Variants in MXRA8 observed in about 807,000 individuals in gnomAD.
MXRA8 encodes the protein matrix remodeling associated 8.
Under a neutral mutation model 51.4 loss-of-function variants are expected in MXRA8, and 44 were observed. That is an observed-to-expected ratio of 0.86 (90% CI 0.67 to 1.10). MXRA8 has a LOEUF of 1.10. Ranked by LOEUF, MXRA8 falls within the 50% of genes least tolerant of loss-of-function variation. The pLI, the probability that MXRA8 is intolerant of heterozygous loss-of-function variation, is 0.00. For missense variants in MXRA8, 765 were observed against 638.9 expected (o/e 1.20, Z -2.13); for synonymous variants, 369 against 293.5 (o/e 1.26, Z -2.63).
Position 1,354,082 on chromosome 1 carries a change from G to T in MXRA8, c.1170C>A (p.Phe390Leu). 5 of 1,612,960 alleles carry T rather than the reference G, an allele frequency of 3.1e-6. No homozygotes were observed. The highest frequency in any genetic ancestry group is 1.3e-5 in the African/African-American group (1 of 75,050). Residue 390 changes from phenylalanine (F) to leucine (L), a missense_variant, in exon 8 of 10, where the codon TTC (phenylalanine) becomes TTA (leucine). Coordinates refer to ENST00000309212, the MANE Select transcript of MXRA8 (RefSeq NM_032348.4). ...GCATCTGGTCCCCTGCAGCCACAGC[G>T]AACTCCGCCAAGTTAACATCCTTCC... ...SKGKDVNLAE[F>L]AVAAGDQMLY...
chr1:1,362,052 C>G (rs943044920), upstream of MXRA8, among the ~76,000 whole-genome samples: 1 of 152,218 alleles, frequency 6.6e-6, no homozygotes, highest in Non-Finnish European at 1.5e-5. Context: ...CGACTGTTCC[C>G]GGCCATGTCC....
upstream of MXRA8, among the ~76,000 whole-genome samples, chr1:1,362,762 CAGAG>C: frequency 7.5e-6 from 1 of 132,984 alleles, no homozygotes; most frequent in Non-Finnish European, 1.5e-5. Context: ...GCCTGGGAAA[CAGAG>C]TGAGACTCCA....
chr1:1,358,435 C>T (rs776792952), intron 1 of MXRA8, 21 bp downstream of exon 1: 21 of 1,602,070 alleles, frequency 1.3e-5, no homozygotes, highest in Non-Finnish European at 1.8e-5. Context: ...CCCCACCCGC[C>T]TCCCAGGGCC....
In MXRA8 at chr1:1,354,676, C is replaced by T. The variant is rs1644081597; in HGVS notation, c.949+6G>A. The T allele has an allele frequency of 6.4e-7, 1 of 1,564,954 alleles. No homozygotes were observed. The highest frequency in any genetic ancestry group is 1.9e-5 in the Admixed American group (1 of 52,886). On this transcript the variant is annotated splice_donor_region_variant and intron_variant, in intron 5 of 9. Coordinates refer to ENST00000309212, the MANE Select transcript of MXRA8 (RefSeq NM_032348.4). ...CCTTCCCGGGTCCCAGGGAGGCCTC[C>T]TTCACCTGGGCCTGGGGCGCCGCTG...
At chr1:1,361,653 G>T (rs561879485), upstream of MXRA8, 3 of 310,346 alleles carry the variant, frequency 9.7e-6, no homozygotes, top group African/African-American at 4.3e-5. Context: ...AGGACAAACC[G>T]TATTCGCCGC....
At position 1,353,359 on chromosome 1, in the gene MXRA8, A is replaced by T. The variant is rs1044630446; in HGVS notation, c.*245T>A. 3.2e-6 allele frequency: 5 copies of T among 1,547,538 alleles called. No individual in the cohort carries two copies. In the African/African-American group the frequency reaches 6.9e-5, roughly 21 times the overall value. On this transcript the variant is annotated 3_prime_UTR_variant, in exon 10 of 10. Coordinates refer to ENST00000309212, the MANE Select transcript of MXRA8 (RefSeq NM_032348.4). ...TGAGGGCATGATGGGCATCAGTGGG[A>T]TTTTGGTTGTGCCAGGGGTGGGCAG... is the stretch of plus-strand genomic sequence containing the variant.
upstream of MXRA8, chr1:1,359,353 A>G (rs1013416218): frequency 2.2e-5 from 22 of 985,338 alleles, no homozygotes; most frequent in Non-Finnish European, 2.7e-5. Context: ...ACAAATTTGA[A>G]ACTGTGGGAA....
Position 1,353,390 on chromosome 1 carries a change from C to T in MXRA8, c.*214G>A. 6.5e-7 allele frequency: 1 copy of T among 1,538,862 alleles called. No individual in the cohort carries two copies. Among genetic ancestry groups the T allele is most frequent in the Non-Finnish European group, 8.8e-7 (1 of 1,140,558 alleles). On this transcript the variant is annotated 3_prime_UTR_variant, in exon 10 of 10. Transcript: ENST00000309212. ...GTTGTGCCAGGGGTGGGCAGGGCCACCCGTGAGCAAAGGCCGCAGGGGTGG... is the reference window on the plus strand; with the variant it reads ...GTTGTGCCAGGGGTGGGCAGGGCCATCCGTGAGCAAAGGCCGCAGGGGTGG...
At chr1:1,357,472 T>C (rs1644155723) in intron 1 of MXRA8, among the ~76,000 whole-genome samples, 1 of 152,044 alleles carries the variant, frequency 6.6e-6, no homozygotes, top group African/African-American at 2.4e-5. Context: ...ACAGTCAGCG[T>C]GGCCCCACGG....
Position 1,353,752 on chromosome 1 carries a change from C to T in MXRA8, c.1303+96G>A, listed in dbSNP as rs765497490. 24 of 1,471,058 alleles carry T rather than the reference C, an allele frequency of 1.6e-5. No homozygotes were observed. In the South Asian group the frequency reaches 2.0e-4, roughly 12 times the overall value. The allele number at this position is 1,471,058 out of a possible 1,614,324, so 91.1% of individuals were successfully genotyped here. A position where few individuals can be genotyped will look rare whatever the true frequency, so the allele number is the denominator to read the frequency against. On this transcript the variant is annotated intron_variant, in intron 9 of 9. Transcript: ENST00000309212. ...TCTGAGCCTGAGGTGGCAGGGGCCC[C>T]GGGCCTGGCTGGTGCCTGCCATCGT...
At position 1,353,878 on chromosome 1, in the gene MXRA8, G is replaced by C. The variant is rs1190143568; in HGVS notation, c.1273C>G (p.Leu425Val). ...KERAELAHSP[L>V]PAKYIDLDKG... Reference sequence around the variant, plus strand: ...TCTAGGTCGATGTACTTGGCAGGCAGGGGGCTGTGGGCCAGCTCCGCCCTC... The same window carrying C: ...TCTAGGTCGATGTACTTGGCAGGCACGGGGCTGTGGGCCAGCTCCGCCCTC... The change falls in exon 9 of 10, where the codon CTG becomes GTG. Residue 425 changes from leucine (L) to valine (V), a missense_variant. Coordinates refer to ENST00000309212, the MANE Select transcript of MXRA8 (RefSeq NM_032348.4). 1 of 1,605,842 alleles carries C rather than the reference G, an allele frequency of 6.2e-7. No homozygotes were observed. Among genetic ancestry groups the C allele is most frequent in the East Asian group, 2.2e-5 (1 of 44,848 alleles).
At chr1:1,360,743 C>A (rs1644211133), upstream of MXRA8, among the ~76,000 whole-genome samples, 1 of 152,150 alleles carries the variant, frequency 6.6e-6, no homozygotes, top group South Asian at 2.1e-4. Context: ...GGCTGCCATT[C>A]CTGGTGACTC....
upstream of MXRA8, chr1:1,359,190 G>T: frequency 1.0e-6 from 1 of 985,420 alleles, no homozygotes; most frequent in African/African-American, 1.7e-5. Flanking sequence ...GCACTGGGAG[G>T]CCTGGGGGTG....
chr1:1,354,726 C>T lies in MXRA8; in HGVS notation c.905G>A (p.Gly302Asp), dbSNP rs1207094120. ...GTGGCTGGAGCCGTTGCCCGGAGAG[C>T]CCCGGGGGGGCGGCTCCGCGTGGGG... ...AEPHAEPPPR[G>D]SPGNGSSHSG... Residue 302 changes from glycine (G) to aspartate (D), a missense_variant, in exon 5 of 10, where the codon GGC (glycine) becomes GAC (aspartate). Coordinates refer to ENST00000309212, the MANE Select transcript of MXRA8 (RefSeq NM_032348.4). 2 of 1,605,550 alleles carry T rather than the reference C, an allele frequency of 1.2e-6. No individual in the cohort carries two copies. The highest frequency in any genetic ancestry group is 8.5e-7 in the Non-Finnish European group (1 of 1,176,910).
upstream of MXRA8, among the ~76,000 whole-genome samples, chr1:1,360,970 A>G (rs1031317069): frequency 1.8e-5 from 2 of 108,490 alleles, no homozygotes; most frequent in African/African-American, 3.8e-5. Context: ...GGAGACACAC[A>G]GAGATACACG....
chr1:1,355,751 C>T lies in MXRA8; in HGVS notation c.75G>A (p.Gly25=), dbSNP rs1467859266. Residue 25 remains glycine (G), a splice_region_variant and synonymous_variant, in exon 3 of 10, where the codon GGG becomes GGA. Coordinates refer to ENST00000309212, the MANE Select transcript of MXRA8 (RefSeq NM_032348.4). ...TGCCAGCAGCGGCGGGTACCGAGGA[C>T]CCTGGTGGGGGAGGGGAGTCGGTGG... ...LQSSAVLLHS[G]SSVPAAAGSS... 8.6e-6 allele frequency: 11 copies of T among 1,275,194 alleles called. No individual in the cohort carries two copies. The highest frequency in any genetic ancestry group is 9.9e-6 in the Non-Finnish European group (10 of 1,014,002). The allele number at this position is 1,275,194 out of a possible 1,614,324, so 79.0% of individuals were successfully genotyped here. A position where few individuals can be genotyped will look rare whatever the true frequency, so the allele number is the denominator to read the frequency against.
chr1:1,355,447 C>A lies in MXRA8; in HGVS notation c.376+3G>T. On this transcript the variant is annotated splice_donor_region_variant and intron_variant, in intron 3 of 9. Coordinates refer to ENST00000309212, the MANE Select transcript of MXRA8 (RefSeq NM_032348.4). ...CCGCGGCCCCGGTCCCCGGTCCCCG[C>A]ACCGCGGATGAGCAGCGAGAAGTTG... is the stretch of plus-strand genomic sequence containing the variant. 1 of 1,495,294 alleles carries A rather than the reference C, an allele frequency of 6.7e-7. No homozygotes were observed. The highest frequency in any genetic ancestry group is 8.8e-7 in the Non-Finnish European group (1 of 1,131,996). The allele number at this position is 1,495,294 out of a possible 1,614,324, so 92.6% of individuals were successfully genotyped here.
In MXRA8 at chr1:1,353,481, A is replaced by G; in HGVS notation, c.*123T>C. Reference sequence around the variant, plus strand: ...GGCGGCCTCTGCATACGCCCAGGCCAAATTCCAGGAAAGCGGGACCAGCCG... The same window carrying G: ...GGCGGCCTCTGCATACGCCCAGGCCGAATTCCAGGAAAGCGGGACCAGCCG... On this transcript the variant is annotated 3_prime_UTR_variant, in exon 10 of 10. Coordinates refer to ENST00000309212, the MANE Select transcript of MXRA8 (RefSeq NM_032348.4). The G allele has an allele frequency of 6.6e-7, 1 of 1,505,330 alleles. No homozygotes were observed. Among genetic ancestry groups the G allele is most frequent in the Non-Finnish European group, 8.9e-7 (1 of 1,125,262 alleles). The allele number at this position is 1,505,330 out of a possible 1,614,324, so 93.2% of individuals were successfully genotyped here.
rs761204099 is a variant in MXRA8 at position 1,355,352 on chromosome 1, A to T, written c.377-7T>A. 3.8e-6 allele frequency: 6 copies of T among 1,570,842 alleles called. No individual in the cohort carries two copies. The South Asian group carries it at 5.8e-5, about 15-fold the overall frequency. On this transcript the variant is annotated splice_polypyrimidine_tract_variant and splice_region_variant and intron_variant, in intron 3 of 9. Coordinates refer to ENST00000309212, the MANE Select transcript of MXRA8 (RefSeq NM_032348.4). ...GCGTCCGTCTCCTCCACCGCTGCGCACCCAGGAGGAAGCCGCGCGTGAGCC... is the reference window on the plus strand; with the variant it reads ...GCGTCCGTCTCCTCCACCGCTGCGCTCCCAGGAGGAAGCCGCGCGTGAGCC...
Sources: gnomAD v4.1 joint callset for allele counts (sites outside exome capture counted in the v4.1 genomes callset) on GRCh38, gnomAD v4.1.1 for gene constraint, MANE v1.5 for transcripts, NCBI Gene and HGNC (gene_info 2026-07-23, HGNC 2026-07-21) for gene names.